Variants in MTA3 observed in about 807,000 individuals in gnomAD.
MTA3 encodes metastasis associated 1 family member 3.
MTA3 carries 34 observed loss-of-function variants against 83.5 expected under a neutral mutation model. That is an observed-to-expected ratio of 0.41 (90% CI 0.31 to 0.54). The LOEUF (loss-of-function observed/expected upper bound fraction) is 0.54. MTA3 is among the 20% of genes least tolerant of loss of function. The pLI is 0.33. For missense variants in MTA3, 761 were observed against 726.4 expected (o/e 1.05, Z -0.55); for synonymous variants, 303 against 252.7 (o/e 1.20, Z -1.89).
intron 6 of MTA3, among the ~76,000 whole-genome samples, chr2:42,653,810 T>A (rs1287386248): frequency 6.6e-6 from 1 of 152,226 alleles, no homozygotes; most frequent in Non-Finnish European, 1.5e-5. Flanking sequence ...TAGTCTTACG[T>A]TCAGGAGTAT....
Position 42,754,376 on chromosome 2 carries a change from C to T in MTA3, c.*977C>T. The stretch of plus-strand genomic sequence containing the variant: ...AGTCTGTGTGGCCAACCCCATGACC[C>T]CCACCCCTCCAGCCCAACATCTTGT... On this transcript the variant is annotated 3_prime_UTR_variant, in exon 17 of 17. Transcript: ENST00000405094. 1.0e-6 allele frequency: 1 copy of T among 985,498 alleles called. No individual in the cohort carries two copies. Among genetic ancestry groups the T allele is most frequent in the Non-Finnish European group, 1.2e-6 (1 of 830,018 alleles). 61.0% of individuals were successfully genotyped at this position (985,498 alleles called of 1,614,324 possible).
chr2:42,652,958 A>G (rs1688851577), intron 6 of MTA3, among the ~76,000 whole-genome samples: 1 of 152,230 alleles, frequency 6.6e-6, no homozygotes, highest in Non-Finnish European at 1.5e-5. Flanking sequence ...GGAACAAAGA[A>G]TGTTTCAAAT....
chr2:42,499,789 A>G lies in MTA3; in HGVS notation c.-141+4535A>G, dbSNP rs1187597310. Among the ~76,000 whole-genome samples, 4 of 151,822 alleles carry G rather than the reference A, an allele frequency of 2.6e-5. No individual in the cohort carries two copies. In the East Asian group the frequency reaches 7.8e-4, roughly 30 times the overall value. On this transcript the variant is annotated intron_variant, in intron 2 of 17. Coordinates refer to the MTA3 transcript ENST00000405592. The stretch of plus-strand genomic sequence containing the variant: ...GGCAACAGAGGGAAAAAAAAAAAGG[A>G]ATAATAAAAAGACAGAAAGAAACTT...
intron 3 of MTA3, among the ~76,000 whole-genome samples, chr2:42,603,125 T>A (rs1419024770): frequency 8.0e-6 from 1 of 125,786 alleles, no homozygotes. Context: ...TTTTTTTTTT[T>A]GCTGGGGGTA....
At position 42,525,949 on chromosome 2, in the gene MTA3, C is replaced by G. The variant is rs111241769; in HGVS notation, c.-141+30695C>G. 3.7e-3 allele frequency among the ~76,000 whole-genome samples: 554 copies of G among 151,742 alleles called. 5 individuals carry two copies. Among genetic ancestry groups the G allele is most frequent in the African/African-American group, 0.013 (523 of 41,364 alleles). ...TGCTAGGATTACAGGCATGAGCCACCGCGCCTGCCCTAGCACTTCAGTTTC... is the reference window on the plus strand; with the variant it reads ...TGCTAGGATTACAGGCATGAGCCACGGCGCCTGCCCTAGCACTTCAGTTTC... On this transcript the variant is annotated intron_variant, in intron 2 of 17. Coordinates refer to the MTA3 transcript ENST00000405592.
At chr2:42,557,435 G>T (rs1052524620) in intron 2 of MTA3, among the ~76,000 whole-genome samples, 1 of 152,168 alleles carries the variant, frequency 6.6e-6, no homozygotes, top group Non-Finnish European at 1.5e-5. Flanking sequence ...AGGAACCAAT[G>T]ACAGGTTTTG....
intron 2 of MTA3, among the ~76,000 whole-genome samples, chr2:42,500,563 C>A (rs867618753): frequency 1.3e-5 from 2 of 151,740 alleles, no homozygotes; most frequent in African/African-American, 4.8e-5. Flanking sequence ...ATGAGAGATA[C>A]AAGAAAAAAC....
chr2:42,694,062 G>A (rs1386707079), intron 9 of MTA3, among the ~76,000 whole-genome samples: 1 of 152,118 alleles, frequency 6.6e-6, no homozygotes, highest in Non-Finnish European at 1.5e-5. Flanking sequence ...TAGGAGCTAG[G>A]GCCTGGAATG....
intron 15 of MTA3, among the ~76,000 whole-genome samples, chr2:42,722,536 AC>A (rs1667494188): frequency 6.6e-6 from 1 of 152,054 alleles, no homozygotes; most frequent in African/African-American, 2.4e-5. Flanking sequence ...CCCCAAGGCT[AC>A]CTCTCCAGAT....
intron 4 of MTA3, among the ~76,000 whole-genome samples, chr2:42,636,826 C>A (rs1687251699): frequency 6.6e-6 from 1 of 151,778 alleles, no homozygotes; most frequent in Non-Finnish European, 1.5e-5. Context: ...AGGGCTTCAC[C>A]GTATTGGCCA....
At chr2:42,609,285 C>G (rs1415598326) in intron 3 of MTA3, among the ~76,000 whole-genome samples, 173 bp from the exon 4 acceptor site, 2 of 152,102 alleles carry the variant, frequency 1.3e-5, no homozygotes, top group African/African-American at 4.8e-5. Context: ...CCTGCCTCAG[C>G]TTCCCAAAAT....
chr2:42,596,720 C>T (rs1193448294), intron 3 of MTA3, among the ~76,000 whole-genome samples: 1 of 152,080 alleles, frequency 6.6e-6, no homozygotes, highest in Non-Finnish European at 1.5e-5. Flanking sequence ...TTTTAGAAAG[C>T]CTTGTGTTAG....
chr2:42,651,684 C>G (rs1219752546), intron 6 of MTA3, among the ~76,000 whole-genome samples: 1 of 151,716 alleles, frequency 6.6e-6, no homozygotes, highest in Non-Finnish European at 1.5e-5. Flanking sequence ...GTAGGCCCAG[C>G]TATTTTGGGA....
intron 8 of MTA3, among the ~76,000 whole-genome samples, chr2:42,682,035 C>G (rs1342851894): frequency 6.6e-6 from 1 of 151,870 alleles, no homozygotes; most frequent in Non-Finnish European, 1.5e-5. Flanking sequence ...AGCGAGACCC[C>G]CATCTCTACA....
chr2:42,507,523 G>A (rs1489061836), intron 2 of MTA3, among the ~76,000 whole-genome samples: 1 of 151,938 alleles, frequency 6.6e-6, no homozygotes, highest in African/African-American at 2.4e-5. Context: ...TTTCTTGGTC[G>A]AGGGACTAGG....
chr2:42,669,339 C>T (rs1409777471), intron 8 of MTA3, among the ~76,000 whole-genome samples: 1 of 152,114 alleles, frequency 6.6e-6, no homozygotes, highest in East Asian at 1.9e-4. Flanking sequence ...CCCACCTTAG[C>T]CTCCCAAAGT....
chr2:42,661,083 C>T (rs1188119864), intron 8 of MTA3, among the ~76,000 whole-genome samples: 2 of 152,280 alleles, frequency 1.3e-5, no homozygotes, highest in African/African-American at 4.8e-5. Flanking sequence ...TAGAATTGTT[C>T]ATAGAAGAAA....
intron 2 of MTA3, chr2:42,533,086 T>C (rs1019108677): frequency 3.3e-5 from 5 of 152,014 alleles, no homozygotes; most frequent in African/African-American, 1.0e-4. Flanking sequence ...GGGCATTCTT[T>C]TTTTTTTTTT....
At chr2:42,532,225 C>G (rs1676013806) in intron 2 of MTA3, among the ~76,000 whole-genome samples, 1 of 152,320 alleles carries the variant, frequency 6.6e-6, no homozygotes, top group Admixed American at 6.5e-5. Context: ...TAATATCTGG[C>G]CTAGGCCGTG....
Sources: allele counts gnomAD v4.1 joint callset (sites outside exome capture counted in the v4.1 genomes callset), GRCh38; gene constraint gnomAD v4.1.1; transcripts MANE v1.5; gene names NCBI Gene and HGNC (gene_info 2026-07-23, HGNC 2026-07-21).